ATP6V0A2: variants seen among roughly 807,000 people sequenced by gnomAD.
The protein encoded by ATP6V0A2 is V-type proton ATPase 116 kDa subunit a 2.
In ATP6V0A2, 58 loss-of-function variants were observed where a neutral mutation model predicts 104.4. That is an observed-to-expected ratio of 0.56 (90% confidence interval 0.45 to 0.69). The LOEUF (loss-of-function observed/expected upper bound fraction) is 0.69. Among genes scored for constraint, ATP6V0A2 ranks in the 30% least tolerant of loss-of-function variants. The pLI, the probability that ATP6V0A2 is intolerant of heterozygous loss-of-function variation, is 0.00. For synonymous variants in ATP6V0A2, 376 were observed against 397.9 expected (o/e 0.95, Z 0.65); for missense variants, 938 against 1,062.9 (o/e 0.88, Z 1.63).
Position 123,751,154 on chromosome 12 carries a change from C to A in ATP6V0A2, c.1980C>A (p.Val660=), listed in dbSNP as rs1217410692. 1 of 1,614,144 alleles carries A rather than the reference C, an allele frequency of 6.2e-7. No individual in the cohort carries two copies. The highest frequency in any genetic ancestry group is 8.5e-7 in the Non-Finnish European group (1 of 1,180,032). ...TGCTGGTTGTCACAGCATTGTCTGT[C>A]CCTGTCCTCTTCTTGGGAAAGCCAC... ...RVLLVVTALS[V]PVLFLGKPLF... is the part of the protein sequence containing the mutation. The change falls in exon 16 of 20, where the codon GTC becomes GTA. Residue 660 remains valine, a synonymous_variant. Transcript: ENST00000330342.
At chr12:123,740,519 G>A (rs1956599072) in intron 9 of ATP6V0A2, among the ~76,000 whole-genome samples, 1 of 152,176 alleles carries the variant, frequency 6.6e-6, no homozygotes, top group Non-Finnish European at 1.5e-5. Context: ...CCCAGAATGT[G>A]TCTCTTAACG....
chr12:123,735,508 T>G lies in ATP6V0A2; in HGVS notation c.732-23T>G, dbSNP rs2271660. ...GTTCTAGTGCTGACAGATGTGAGAC[T>G]GTGTTCAACTCTTGTCTTCCAGCTA... On this transcript the variant is annotated intron_variant, in intron 7 of 19. Coordinates refer to ENST00000330342, the MANE Select transcript of ATP6V0A2 (RefSeq NM_012463.4). 5,410 of 1,603,314 alleles carry G rather than the reference T, an allele frequency of 3.4e-3. 55 individuals carry two copies. The highest frequency in any genetic ancestry group is 2.6e-3 in the Non-Finnish European group (3,084 of 1,170,784).
chr12:123,753,230 G>C (rs569321621), intron 17 of ATP6V0A2, among the ~76,000 whole-genome samples: 1 of 149,576 alleles, frequency 6.7e-6, no homozygotes, highest in Non-Finnish European at 1.5e-5. Flanking sequence ...AGTGACCACT[G>C]TGTCAGTCCC....
At chr12:123,753,028 G>T (rs1409941775) in intron 17 of ATP6V0A2, among the ~76,000 whole-genome samples, 1 of 152,134 alleles carries the variant, frequency 6.6e-6, no homozygotes, top group Non-Finnish European at 1.5e-5. Context: ...GCCATCCCTG[G>T]ACCAGTGACT....
intron 6 of ATP6V0A2, chr12:123,733,717 C>G: frequency 1.8e-6 from 1 of 563,764 alleles, no homozygotes; most frequent in East Asian, 3.0e-5. Flanking sequence ...AAAGTTTTGG[C>G]TGCTCTGCAC....
intron 1 of ATP6V0A2, among the ~76,000 whole-genome samples, chr12:123,713,494 A>T (rs1358189852): frequency 1.3e-5 from 2 of 152,204 alleles, no homozygotes; most frequent in Non-Finnish European, 2.9e-5. Context: ...AGTCCTTGGC[A>T]GTCATTGGCA....
rs760786999 is a variant in ATP6V0A2 at position 123,744,638 on chromosome 12, G to C, written c.1368G>C (p.Leu456=). Residue 456 remains leucine (L), a synonymous_variant, in exon 12 of 20, where the codon CTG becomes CTC. Transcript: ENST00000330342. This position sits in a 1 kb window ranked among gnomAD's most constrained non-coding sequence, Gnocchi z 5.4. ...MFFNGRYILL[L]MGLFSVYTGL... ...TTAATGGCCGGTACATCCTCCTGCT[G>C]ATGGGGCTGTTCTCAGTGTACACTG... 6.2e-7 allele frequency: 1 copy of C among 1,613,786 alleles called. No individual in the cohort carries two copies. Among genetic ancestry groups the C allele is most frequent in the Non-Finnish European group, 8.5e-7 (1 of 1,180,022 alleles).
chr12:123,733,585 T>G, intron 6 of ATP6V0A2: 1 of 328,462 alleles, frequency 3.0e-6, no homozygotes, highest in South Asian at 3.0e-5. Flanking sequence ...CACAGAAGTG[T>G]GAAAAACATG....
chr12:123,751,140 A>C lies in ATP6V0A2; in HGVS notation c.1966A>C (p.Thr656Pro). ...TGTCCAGAGAGTGCTGCTGGTTGTCACAGCATTGTCTGTCCCTGTCCTCTT... is the reference window on the plus strand; with the variant it reads ...TGTCCAGAGAGTGCTGCTGGTTGTCCCAGCATTGTCTGTCCCTGTCCTCTT... ...EYVQRVLLVV[T>P]ALSVPVLFLG... The change falls in exon 16 of 20, where the codon ACA becomes CCA. Residue 656 changes from threonine (T) to proline (P), a missense_variant. Coordinates refer to ENST00000330342, the MANE Select transcript of ATP6V0A2 (RefSeq NM_012463.4). 1 of 1,614,062 alleles carries C rather than the reference A, an allele frequency of 6.2e-7. No homozygotes were observed. The highest frequency in any genetic ancestry group is 8.5e-7 in the Non-Finnish European group (1 of 1,180,010).
At chr12:123,752,488 T>G in intron 17 of ATP6V0A2, 86 bp downstream of exon 17, 1 of 1,536,654 alleles carries the variant, frequency 6.5e-7, no homozygotes, top group Non-Finnish European at 8.9e-7. Flanking sequence ...TATTTAATCA[T>G]CTTAAAAAAT....
In ATP6V0A2 at chr12:123,751,199, C is replaced by T; in HGVS notation, c.2025C>T (p.His675=). The part of the protein sequence containing the change: ...LGKPLFLLWL[H]NGRSCFGVNR... ...AGCCACTGTTTTTGTTGTGGCTTCA[C>T]AATGGGCGTAGTTGCTTCGGGGTGA... The change falls in exon 16 of 20, where the codon CAC becomes CAT. Residue 675 remains histidine, a synonymous_variant. Transcript: ENST00000330342. 1 of 1,614,184 alleles carries T rather than the reference C, an allele frequency of 6.2e-7. No individual in the cohort carries two copies. The highest frequency in any genetic ancestry group is 8.5e-7 in the Non-Finnish European group (1 of 1,180,046).
Position 123,722,388 on chromosome 12 carries a change from C to G in ATP6V0A2, c.234C>G (p.Pro78=), listed in dbSNP as rs375372808. The G allele has an allele frequency of 8.1e-6, 13 of 1,612,200 alleles. No homozygotes were observed. Among genetic ancestry groups the G allele is most frequent in the African/African-American group, 8.0e-5 (6 of 74,874 alleles). ...LVQEINRADI[P]LPEGEASPPA... is the part of the protein sequence containing the mutation. ...AGGAAATTAATAGAGCTGATATTCC[C>G]CTTCCTGAAGGAGAGGCCAGCCCTC... Residue 78 remains proline (P), a synonymous_variant, in exon 3 of 20, where the codon CCC becomes CCG. Coordinates refer to ENST00000330342, the MANE Select transcript of ATP6V0A2 (RefSeq NM_012463.4).
intron 1 of ATP6V0A2, among the ~76,000 whole-genome samples, chr12:123,713,725 A>G (rs995114738): frequency 6.6e-6 from 1 of 152,118 alleles, no homozygotes; most frequent in Admixed American, 6.5e-5. Flanking sequence ...GAGACCGTGA[A>G]GCAAGTACTT....
intron 1 of ATP6V0A2, among the ~76,000 whole-genome samples, chr12:123,713,282 G>T (rs1047199426): frequency 3.3e-5 from 5 of 151,898 alleles, no homozygotes; most frequent in African/African-American, 1.2e-4. Context: ...ATCTGCTTGA[G>T]GAGAGGGATT....
intron 17 of ATP6V0A2, 91 bp from the exon 18 acceptor site, chr12:123,754,329 C>A: frequency 9.9e-7 from 1 of 1,008,138 alleles, no homozygotes; most frequent in Non-Finnish European, 1.6e-6. Flanking sequence ...GCAGCTCTTT[C>A]ATTGTAATCC....
chr12:123,758,034 C>A lies in ATP6V0A2; in HGVS notation c.*2C>A. 6.3e-7 allele frequency: 1 copy of A among 1,582,202 alleles called. No homozygotes were observed. The highest frequency in any genetic ancestry group is 8.7e-7 in the Non-Finnish European group (1 of 1,151,244). ...AATAACGACGACAGTGTGGCATGAT[C>A]ATATTGCTGTAACCAACAAGCTTTC... On this transcript the variant is annotated 3_prime_UTR_variant, in exon 20 of 20. Transcript: ENST00000330342.
intron 9 of ATP6V0A2, among the ~76,000 whole-genome samples, chr12:123,742,361 G>C (rs1956617785): frequency 6.6e-6 from 1 of 152,184 alleles, no homozygotes; most frequent in South Asian, 2.1e-4. Context: ...AGCTGTTGGT[G>C]GTTTCCTCAC....
At chr12:123,722,943 G>A (rs1053780978) in intron 3 of ATP6V0A2, among the ~76,000 whole-genome samples, 2 of 152,094 alleles carry the variant, frequency 1.3e-5, no homozygotes, top group African/African-American at 2.4e-5. Context: ...AGCAAGCAGC[G>A]TTCTGTCACC....
At chr12:123,757,653 T>C (rs1422950210) in intron 19 of ATP6V0A2, among the ~76,000 whole-genome samples, 1 of 152,182 alleles carries the variant, frequency 6.6e-6, no homozygotes, top group Non-Finnish European at 1.5e-5. Context: ...GTGACTCAAG[T>C]GGCAGGAGAG....
Sources: allele counts gnomAD v4.1 joint callset (sites outside exome capture counted in the v4.1 genomes callset), GRCh38; gene constraint gnomAD v4.1.1; non-coding constraint Gnocchi (gnomAD v3.1); transcripts MANE v1.5; gene names NCBI Gene and HGNC (gene_info 2026-07-23, HGNC 2026-07-21).